The following SYTL3 variants were observed in gnomAD, a reference collection of about 807,000 sequenced individuals.
SYTL3 encodes the protein synaptotagmin like 3.
SYTL3 carries 88 observed loss-of-function variants against 82.1 expected under a neutral mutation model. The observed-to-expected ratio is 1.07, with a 90% confidence interval of 0.90 to 1.28. The LOEUF (loss-of-function observed/expected upper bound fraction) is 1.28. Among genes scored for constraint, SYTL3 ranks in the 50% most tolerant of loss-of-function variants. The pLI is 0.00. For synonymous variants in SYTL3, 311 were observed against 289.4 expected (o/e 1.07, Z -0.76); for missense variants, 831 against 757.6 (o/e 1.10, Z -1.14).
Position 158,757,088 on chromosome 6 carries a change from G to C in SYTL3, c.1138-123G>C, listed in dbSNP as rs534951852. On this transcript the variant is annotated intron_variant, in intron 13 of 17. Transcript: ENST00000611299. Reference sequence around the variant, plus strand: ...TGCATCCGCATCTTGGACTCAGCCTGTGGGAGGGAGGCCTGCGCCAGGCCC... The same window carrying C: ...TGCATCCGCATCTTGGACTCAGCCTCTGGGAGGGAGGCCTGCGCCAGGCCC... 6.9e-6 allele frequency: 6 copies of C among 874,262 alleles called. No individual in the cohort carries two copies. The Admixed American group carries it at 1.8e-4, about 26-fold the overall frequency. The allele number at this position is 874,262 out of a possible 1,614,324, so 54.2% of individuals were successfully genotyped here.
Position 158,763,364 on chromosome 6 carries a change from G to A in SYTL3, c.1578G>A (p.Gln526=), listed in dbSNP as rs1188046802. ...LRLKSPVLRK[Q]ACPQWKHSFV... is the part of the protein sequence containing the mutation. ...TGAAGTCGCCAGTCCTGAGGAAGCA[G>A]GCTTGCCCCCAGTGGAAACACTCAT... Residue 526 remains glutamine (Q), a synonymous_variant, in exon 17 of 18, where the codon CAG becomes CAA. Transcript: ENST00000611299. The A allele has an allele frequency of 6.2e-7, 1 of 1,614,240 alleles. No homozygotes were observed.
At chr6:158,693,859 T>TCTTTTCTTTC (rs1554251460) in intron 6 of SYTL3, among the ~76,000 whole-genome samples, 2 of 102,180 alleles carry the variant, frequency 2.0e-5, no homozygotes, top group African/African-American at 4.4e-5. Context: ...TCTTTTCTTT[T>TCTTTTCTTTC]TTTTTTTTTT....
At chr6:158,675,093 T>C (rs1777874981) in intron 5 of SYTL3, among the ~76,000 whole-genome samples, 1 of 152,148 alleles carries the variant, frequency 6.6e-6, no homozygotes, top group Admixed American at 6.5e-5. Context: ...TTAGACTTAC[T>C]CAATTTCAGT....
At chr6:158,690,510 A>G (rs756318880) in intron 6 of SYTL3, among the ~76,000 whole-genome samples, 2 of 152,184 alleles carry the variant, frequency 1.3e-5, no homozygotes, top group Non-Finnish European at 2.9e-5. Flanking sequence ...TTTAAGATAA[A>G]ATGCCCCCCA....
chr6:158,662,173 C>T (rs1038520505), intron 3 of SYTL3, among the ~76,000 whole-genome samples: 2 of 151,992 alleles, frequency 1.3e-5, no homozygotes, highest in Non-Finnish European at 2.9e-5. Context: ...ATTGAAAGGA[C>T]GTCTTATCAC....
intron 5 of SYTL3, among the ~76,000 whole-genome samples, chr6:158,679,635 A>G (rs1778437507): frequency 2.0e-5 from 3 of 152,200 alleles, no homozygotes; most frequent in Admixed American, 1.3e-4. Context: ...AAATCTCTAT[A>G]TGCCAAATTA....
intron 10 of SYTL3, among the ~76,000 whole-genome samples, chr6:158,718,630 C>T (rs981736150): frequency 2.6e-5 from 4 of 152,208 alleles, no homozygotes; most frequent in South Asian, 4.1e-4. Flanking sequence ...AACGTAAAGG[C>T]GCGAGCAAGC....
chr6:158,677,325 A>C (rs1778155258), intron 5 of SYTL3, among the ~76,000 whole-genome samples: 1 of 152,164 alleles, frequency 6.6e-6, no homozygotes, highest in Non-Finnish European at 1.5e-5. Flanking sequence ...CAAACACCGC[A>C]TGTTTCTCAC....
chr6:158,734,374 C>A (rs1785855935), intron 11 of SYTL3, among the ~76,000 whole-genome samples: 1 of 152,038 alleles, frequency 6.6e-6, no homozygotes, highest in African/African-American at 2.4e-5. Flanking sequence ...TAGAAACCAA[C>A]ACATAGCCAA....
intron 15 of SYTL3, among the ~76,000 whole-genome samples, chr6:158,761,502 G>C (rs994567895): frequency 6.6e-5 from 10 of 151,786 alleles, no homozygotes; most frequent in East Asian, 1.9e-4. Context: ...TAGAGACAGG[G>C]TTTCACCATG....
At chr6:158,667,565 A>G (rs750704594) in intron 5 of SYTL3, among the ~76,000 whole-genome samples, 7 of 152,170 alleles carry the variant, frequency 4.6e-5, no homozygotes, top group Non-Finnish European at 4.4e-5. Flanking sequence ...AAACTTTAGA[A>G]TCTTTGACAT....
At chr6:158,754,645 G>A (rs1252192855) in intron 13 of SYTL3, among the ~76,000 whole-genome samples, 1 of 152,248 alleles carries the variant, frequency 6.6e-6, no homozygotes, top group Admixed American at 6.5e-5. Context: ...GCGTGAACCT[G>A]GAAGGCGGAG....
At position 158,720,406 on chromosome 6, in the gene SYTL3, C is replaced by CAAAAA. The variant is rs10640552; in HGVS notation, c.720+2210_720+2214dup. ...GGGTGACAAGAGTGAAACTTTGTCTCAAAAAAAAAAAAAAAAAAAGCCTGA... is the reference window on the plus strand; with the variant it reads ...GGGTGACAAGAGTGAAACTTTGTCTCAAAAAAAAAAAAAAAAAAAAAAAAGCCTGA... On this transcript the variant is annotated intron_variant, in intron 10 of 17. Transcript: ENST00000611299. 9.7e-3 allele frequency among the ~76,000 whole-genome samples: 851 copies of CAAAAA among 88,022 alleles called. 22 individuals carry two copies. Among genetic ancestry groups the CAAAAA allele is most frequent in the Non-Finnish European group, 0.011 (520 of 47,308 alleles). The allele number at this position is 88,022 out of a possible 152,430, so 57.7% of individuals were successfully genotyped here.
intron 14 of SYTL3, among the ~76,000 whole-genome samples, chr6:158,759,155 AG>A (rs1245702997): frequency 1.3e-5 from 2 of 152,208 alleles, no homozygotes; most frequent in Non-Finnish European, 2.9e-5. Flanking sequence ...GGCGGCCACC[AG>A]GCCTCATCAG....
intron 11 of SYTL3, among the ~76,000 whole-genome samples, chr6:158,735,151 C>T (rs1224115768): frequency 6.6e-6 from 1 of 152,126 alleles, no homozygotes; most frequent in Non-Finnish European, 1.5e-5. Context: ...AAGCAGGGAA[C>T]CAGGATGCTA....
chr6:158,656,148 A>G (rs1393830191), intron 2 of SYTL3, among the ~76,000 whole-genome samples: 1 of 152,280 alleles, frequency 6.6e-6, no homozygotes, highest in African/African-American at 2.4e-5. Flanking sequence ...TTCCCACCTC[A>G]GTATTGTCAC....
intron 17 of SYTL3, among the ~76,000 whole-genome samples, chr6:158,763,771 G>C (rs1374991648): frequency 6.6e-6 from 1 of 152,146 alleles, no homozygotes; most frequent in Non-Finnish European, 1.5e-5. Flanking sequence ...TACAGTATTT[G>C]CTTTTGTTTC....
At chr6:158,645,979 GT>G (rs1787423587), upstream of SYTL3, among the ~76,000 whole-genome samples, 1 of 152,160 alleles carries the variant, frequency 6.6e-6, no homozygotes. Flanking sequence ...ACTTCTCTCA[GT>G]TTGCAAGAAC....
At chr6:158,726,036 A>G (rs1426266337) in intron 11 of SYTL3, 1 of 597,152 alleles carries the variant, frequency 1.7e-6, no homozygotes, top group Non-Finnish European at 3.2e-6. Context: ...TGTGTGTCCA[A>G]TCTCATGTGT....
Sources: allele counts gnomAD v4.1 joint callset (sites outside exome capture counted in the v4.1 genomes callset), GRCh38; gene constraint gnomAD v4.1.1; transcripts MANE v1.5; gene names NCBI Gene and HGNC (gene_info 2026-07-23, HGNC 2026-07-21).